ROBO2: variants seen among roughly 807,000 people sequenced by gnomAD.
The protein encoded by ROBO2 is roundabout homolog 2.
Under a neutral mutation model 160.8 loss-of-function variants are expected in ROBO2, and 53 were observed. The ratio of observed to expected loss-of-function variants is 0.33; its 90% CI spans 0.26 to 0.41. The LOEUF (loss-of-function observed/expected upper bound fraction) is 0.41. Among genes scored for constraint, ROBO2 ranks in the 10% least tolerant of loss-of-function variants. The pLI is 1.00. For synonymous variants in ROBO2, 664 were observed against 611.7 expected, an observed-to-expected ratio of 1.09 and a Z score of -1.26; for missense variants, 1,577 against 1,722.4, an observed-to-expected ratio of 0.92 and a Z score of 1.49.
At position 76,014,684 on chromosome 3, in the gene ROBO2, T is replaced by G. The variant is rs2066352715; in HGVS notation, c.109+77082T>G. 3.3e-5 allele frequency among the ~76,000 whole-genome samples: 5 copies of G among 152,308 alleles called. No homozygotes were observed. The South Asian group carries it at 1.0e-3, about 32-fold the overall frequency. On this transcript the variant is annotated intron_variant, in intron 2 of 26. Coordinates refer to the ROBO2 transcript ENST00000487694. ...GGCTTATGCATGTAATCCCCGCACT[T>G]TGGGAGGCCCAGGTGGGATGATCAC... is the stretch of plus-strand genomic sequence containing the variant.
intron 2 of ROBO2, among the ~76,000 whole-genome samples, chr3:76,332,579 T>A (rs1374656034): frequency 1.3e-5 from 2 of 152,176 alleles, no homozygotes; most frequent in African/African-American, 4.8e-5. Flanking sequence ...TATTCTTAAT[T>A]TTCTTTCTTC....
chr3:76,240,576 C>A (rs1037542167), intron 2 of ROBO2, among the ~76,000 whole-genome samples: 1 of 152,048 alleles, frequency 6.6e-6, no homozygotes, highest in Non-Finnish European at 1.5e-5. Flanking sequence ...AATCTAAGTG[C>A]TATGATTGGA....
chr3:76,600,220 A>G (rs2087032610), intron 2 of ROBO2, among the ~76,000 whole-genome samples: 1 of 152,094 alleles, frequency 6.6e-6, no homozygotes, highest in Non-Finnish European at 1.5e-5. Flanking sequence ...TGATTTTTGT[A>G]TATGGTGTAA....
intron 2 of ROBO2, among the ~76,000 whole-genome samples, chr3:77,034,836 G>T (rs2063532953): frequency 6.6e-6 from 1 of 151,910 alleles, no homozygotes; most frequent in Non-Finnish European, 1.5e-5. Flanking sequence ...TTCCAGATCG[G>T]AGCAGATGGA....
chr3:75,987,130 A>G (rs575017126), intron 2 of ROBO2, among the ~76,000 whole-genome samples: 15 of 152,052 alleles, frequency 9.9e-5, no homozygotes, highest in African/African-American at 3.6e-4. Flanking sequence ...AAGGCATAGT[A>G]TTTAATGTTA....
At chr3:76,180,635 G>T (rs761403288) in intron 2 of ROBO2, among the ~76,000 whole-genome samples, 6 of 152,072 alleles carry the variant, frequency 3.9e-5, no homozygotes, top group Non-Finnish European at 7.4e-5. Context: ...TATGCCTGCT[G>T]CAACGATCTT....
chr3:77,075,850 G>C (rs1268568039), intron 1 of ROBO2, among the ~76,000 whole-genome samples: 1 of 151,316 alleles, frequency 6.6e-6, no homozygotes, highest in Non-Finnish European at 1.5e-5. Flanking sequence ...GCTAATTTTT[G>C]TATTTTTAGT....
chr3:77,451,317 G>T (rs1464702776), intron 2 of ROBO2, among the ~76,000 whole-genome samples: 5 of 151,958 alleles, frequency 3.3e-5, no homozygotes, highest in Non-Finnish European at 7.4e-5. Flanking sequence ...ATTTATTTAT[G>T]CTGAAAGGAT....
chr3:76,182,963 C>T (rs936592294), intron 2 of ROBO2, among the ~76,000 whole-genome samples: 1 of 152,090 alleles, frequency 6.6e-6, no homozygotes, highest in Non-Finnish European at 1.5e-5. Context: ...ATGATCATGT[C>T]ATTGTCTTTT....
chr3:76,965,785 G>GTGTGTATATA (rs1424338840), intron 2 of ROBO2, among the ~76,000 whole-genome samples: 4 of 129,222 alleles, frequency 3.1e-5, no homozygotes, highest in African/African-American at 1.2e-4. Flanking sequence ...TTGTGTTTGT[G>GTGTGTATATA]TATATATATA....
intron 2 of ROBO2, among the ~76,000 whole-genome samples, chr3:76,861,896 C>T (rs566397986): frequency 1.3e-5 from 2 of 152,246 alleles, no homozygotes; most frequent in African/African-American, 4.8e-5. Flanking sequence ...CTGCAAGTAA[C>T]AGAGACCATA....
chr3:76,047,730 A>T (rs866052135), intron 2 of ROBO2, among the ~76,000 whole-genome samples: 15 of 152,220 alleles, frequency 9.9e-5, no homozygotes, highest in Non-Finnish European at 1.8e-4. Context: ...TGCGTGCATG[A>T]TGTATGTCTG....
intron 2 of ROBO2, among the ~76,000 whole-genome samples, chr3:76,165,632 G>A (rs1054612073): frequency 6.6e-6 from 1 of 152,162 alleles, no homozygotes; most frequent in Non-Finnish European, 1.5e-5. Context: ...TCCCTTGGCT[G>A]TTGATTGCCT....
chr3:77,342,427 G>T (rs1378645890), intron 2 of ROBO2, among the ~76,000 whole-genome samples: 1 of 152,138 alleles, frequency 6.6e-6, no homozygotes, highest in Non-Finnish European at 1.5e-5. Flanking sequence ...GGAATTGCAA[G>T]AGTTGATTTT....
chr3:76,786,032 T>C (rs1319296837), intron 2 of ROBO2, among the ~76,000 whole-genome samples: 1 of 151,262 alleles, frequency 6.6e-6, no homozygotes, highest in African/African-American at 2.4e-5. Context: ...CTCTTTAACC[T>C]TGTGGATGTA....
chr3:77,011,589 G>A (rs1313707479), intron 2 of ROBO2, among the ~76,000 whole-genome samples: 1 of 151,912 alleles, frequency 6.6e-6, no homozygotes, highest in Non-Finnish European at 1.5e-5. Context: ...TTCCCAACCA[G>A]ATTGATCCTA....
chr3:77,234,833 G>A (rs1040789691), intron 2 of ROBO2, among the ~76,000 whole-genome samples: 1 of 152,094 alleles, frequency 6.6e-6, no homozygotes, highest in Non-Finnish European at 1.5e-5. Context: ...CTTAATGTTA[G>A]GGCTTTTATG....
chr3:76,750,165 T>C (rs1210016110), intron 2 of ROBO2, among the ~76,000 whole-genome samples: 2 of 152,126 alleles, frequency 1.3e-5, no homozygotes, highest in South Asian at 2.1e-4. Context: ...TTAAATGTAA[T>C]GCATCACATA....
At chr3:76,947,670 A>G (rs542006913) in intron 2 of ROBO2, among the ~76,000 whole-genome samples, 18 of 136,362 alleles carry the variant, frequency 1.3e-4, no homozygotes, top group African/African-American at 5.0e-4. Flanking sequence ...GTTTTTTCTT[A>G]GTTAACAATT....
Sources: gnomAD v4.1 joint callset for allele counts (sites outside exome capture counted in the v4.1 genomes callset) on GRCh38, gnomAD v4.1.1 for gene constraint, MANE v1.5 for transcripts, NCBI Gene and HGNC (gene_info 2026-07-23, HGNC 2026-07-21) for gene names.